The following DNAH3 variants were observed in gnomAD, a reference collection of about 807,000 sequenced individuals.
DNAH3 encodes dynein axonemal heavy chain 3.
Under a neutral mutation model 432.5 loss-of-function variants are expected in DNAH3, and 332 were observed. That is an observed-to-expected ratio of 0.77 (90% confidence interval 0.70 to 0.84). DNAH3 has a LOEUF of 0.84. Ranked by LOEUF, DNAH3 falls within the 40% of genes least tolerant of loss-of-function variation. The pLI, the probability that DNAH3 is intolerant of heterozygous loss-of-function variation, is 0.00. For synonymous variants in DNAH3, 1,956 were observed against 1,900.2 expected (o/e 1.03, Z -0.76); for missense variants, 4,861 against 5,114.0 (o/e 0.95, Z 1.51).
chr16:20,986,288 T>G (rs2086193502), intron 47 of DNAH3, among the ~76,000 whole-genome samples: 1 of 151,934 alleles, frequency 6.6e-6, no homozygotes, highest in Non-Finnish European at 1.5e-5. Flanking sequence ...AAGGATCATT[T>G]GAGCTCAGGA....
intron 16 of DNAH3, among the ~76,000 whole-genome samples, chr16:21,099,581 G>A (rs2091784719): frequency 6.6e-6 from 1 of 152,096 alleles, no homozygotes; most frequent in South Asian, 2.1e-4. Context: ...AAACAAGCTA[G>A]CTTCAAATTC....
intron 47 of DNAH3, among the ~76,000 whole-genome samples, chr16:20,986,457 T>C (rs972851967): frequency 2.6e-5 from 4 of 152,128 alleles, no homozygotes; most frequent in African/African-American, 9.6e-5. Context: ...CAGTGTGCTA[T>C]GATCATACCA....
chr16:21,028,642 A>T (rs1273179717), intron 37 of DNAH3, among the ~76,000 whole-genome samples: 3 of 148,126 alleles, frequency 2.0e-5, no homozygotes, highest in African/African-American at 7.4e-5. Context: ...CAACAGAGGG[A>T]GACTTTGTCT....
At chr16:21,082,684 C>A (rs1320220789) in intron 19 of DNAH3, among the ~76,000 whole-genome samples, 1 of 152,020 alleles carries the variant, frequency 6.6e-6, no homozygotes, top group East Asian at 1.9e-4. Context: ...CAAAAATTAG[C>A]TGGGCACGGT....
At chr16:21,044,753 G>C (rs1298352100) in intron 31 of DNAH3, among the ~76,000 whole-genome samples, 3 of 93,916 alleles carry the variant, frequency 3.2e-5, no homozygotes, top group African/African-American at 1.3e-4. Flanking sequence ...TCTTGTGCCA[G>C]TTTTCAAAGG....
In DNAH3 at chr16:20,959,093, G is replaced by T. The variant is rs953110648; in HGVS notation, c.10826+86C>A. Reference sequence around the variant, plus strand: ...TAGACTGAAAGTTTCTAAGGGGCAGGACTGTGTCTTGGTCATCTTCCCAGC... The same window carrying T: ...TAGACTGAAAGTTTCTAAGGGGCAGTACTGTGTCTTGGTCATCTTCCCAGC... On this transcript the variant is annotated intron_variant, in intron 54 of 61. Transcript: ENST00000261383. The T allele has an allele frequency of 8.6e-5, 120 of 1,389,728 alleles. No individual in the cohort carries two copies. In the Admixed American group the frequency reaches 2.0e-3, roughly 23 times the overall value. The allele number at this position is 1,389,728 out of a possible 1,614,324, so 86.1% of individuals were successfully genotyped here.
At chr16:20,954,871 T>A (rs561108122) in exon 55 of DNAH3, 1 of 1,614,154 alleles carries the variant, frequency 6.2e-7, no homozygotes, top group South Asian at 1.1e-5. Flanking sequence ...AAAGGCCAAA[T>A]AACATCTTTT....
rs1343339496 is a variant in DNAH3 at position 20,982,895 on chromosome 16, AAGG to A, written c.7682_7684del (p.Ser2561del). The A allele has an allele frequency of 6.2e-7, 1 of 1,613,664 alleles. No homozygotes were observed. The highest frequency in any genetic ancestry group is 8.5e-7 in the Non-Finnish European group (1 of 1,179,736). ...CCCTATTGGACTCATGGCTAATGAA[AAGG>A]AGATTTTGTTAATTACCTTCCTCCA... On this transcript the variant is annotated inframe_deletion, in exon 49 of 62. Coordinates refer to ENST00000261383, the Ensembl canonical transcript of DNAH3.
rs201612524 is a variant in DNAH3, at chr16:21,095,358, G to A, written c.2665+1997C>T. ...GTATCCATAGAATGGGATACTACTC[G>A]CAATAAAAGGAAATGACCTATTGCT... On this transcript the variant is annotated intron_variant, in intron 18 of 61. Coordinates refer to ENST00000261383, the Ensembl canonical transcript of DNAH3. 9.9e-5 allele frequency among the ~76,000 whole-genome samples: 15 copies of A among 152,150 alleles called. No homozygotes were observed. In the East Asian group the frequency reaches 1.2e-3, roughly 12 times the overall value.
chr16:20,980,216 TTTATATTA>T (rs1277116096), intron 49 of DNAH3, among the ~76,000 whole-genome samples: 2 of 106,258 alleles, frequency 1.9e-5, no homozygotes, highest in Non-Finnish European at 4.0e-5. Context: ...ATTTATATTA[TTTATATTA>T]TTTATTTATA....
intron 39 of DNAH3, 110 bp downstream of exon 39, chr16:21,024,486 T>C (rs961230127): frequency 1.1e-5 from 8 of 711,240 alleles, no homozygotes; most frequent in African/African-American, 1.8e-5. Context: ...GGGAATTCCC[T>C]GCCCCTTGTT....
Position 20,965,032 on chromosome 16 carries a change from T to C in DNAH3, c.8852A>G (p.Lys2951Arg), listed in dbSNP as rs2084990475. ...GATTTCAATGTTTTCCTCCAAGTCC[T>C]TTTTCTTGGTGTTCATCTCTTCAAA... Residue 2951 changes from lysine (K) to arginine (R), a missense_variant, in exon 53 of 62, where the codon AAG becomes AGG. Lys to Arg is a conservative substitution (Grantham distance 26). Coordinates refer to ENST00000261383, the Ensembl canonical transcript of DNAH3. 7 of 1,613,972 alleles carry C rather than the reference T, an allele frequency of 4.3e-6. No homozygotes were observed. Among genetic ancestry groups the C allele is most frequent in the African/African-American group, 1.3e-5 (1 of 74,912 alleles).
intron 31 of DNAH3, among the ~76,000 whole-genome samples, chr16:21,043,120 T>C (rs374691858): frequency 0.025 from 3,819 of 151,006 alleles, 167 homozygotes; most frequent in African/African-American, 0.085. Context: ...TGAATAATGC[T>C]GCAGTAAACA....
In DNAH3 at chr16:20,944,756, A is replaced by AGATACAGTATGAT. The variant is rs1171984066; in HGVS notation, c.11344-94_11344-93insATCATACTGTATC. 3 of 1,198,140 alleles carry AGATACAGTATGAT rather than the reference A, an allele frequency of 2.5e-6. No individual in the cohort carries two copies. The Admixed American group carries it at 5.9e-5, about 24-fold the overall frequency. 74.2% of individuals were successfully genotyped at this position (1,198,140 alleles called of 1,614,324 possible). ...GCAGAACCCAATCAGAACAGGAATC[A>AGATACAGTATGAT]TACTGTATCAGTAGCACAGGACACA... On this transcript the variant is annotated intron_variant, in intron 57 of 61. Transcript: ENST00000261383.
intron 50 of DNAH3, among the ~76,000 whole-genome samples, chr16:20,975,983 G>A (rs982147130): frequency 6.6e-6 from 1 of 152,058 alleles, no homozygotes; most frequent in Non-Finnish European, 1.5e-5. Flanking sequence ...GACCTCAGGT[G>A]ATCCACCCAC....
chr16:20,967,366 C>T (rs1310725721), intron 52 of DNAH3, among the ~76,000 whole-genome samples: 1 of 151,882 alleles, frequency 6.6e-6, no homozygotes, highest in Non-Finnish European at 1.5e-5. Context: ...CATGACCTGG[C>T]TGTGCTTTGT....
In DNAH3 at chr16:21,002,783, G is replaced by A. The variant is rs113720991; in HGVS notation, c.6126+321C>T. ...GCCAGTACCTGGTATTACTGATAAC[G>A]ACAATAATCAGAATAGCAACAAACA... On this transcript the variant is annotated intron_variant, in intron 42 of 61. Coordinates refer to ENST00000261383, the Ensembl canonical transcript of DNAH3. Among the ~76,000 whole-genome samples, 1,326 of 152,136 alleles carry A rather than the reference G, an allele frequency of 8.7e-3. 19 individuals are homozygous for A. The highest frequency in any genetic ancestry group is 0.031 in the African/African-American group (1,282 of 41,488).
intron 16 of DNAH3, among the ~76,000 whole-genome samples, chr16:21,103,680 T>G (rs1037526522): frequency 7.2e-5 from 11 of 152,206 alleles, no homozygotes; most frequent in African/African-American, 2.7e-4. Flanking sequence ...TCCCTGCTTT[T>G]ATCTATTCTT....
At chr16:21,098,149 A>G (rs2091736531) in intron 17 of DNAH3, among the ~76,000 whole-genome samples, 1 of 152,194 alleles carries the variant, frequency 6.6e-6, no homozygotes, top group Non-Finnish European at 1.5e-5. Context: ...AAGGTAGTTG[A>G]AAGTACCAGT....
Sources: gnomAD v4.1 joint callset for allele counts (sites outside exome capture counted in the v4.1 genomes callset) on GRCh38, gnomAD v4.1.1 for gene constraint, MANE v1.5 for transcripts, NCBI Gene and HGNC (gene_info 2026-07-23, HGNC 2026-07-21) for gene names.